TMEM179: variants seen among roughly 807,000 people sequenced by gnomAD.
TMEM179 encodes transmembrane protein 179, also known as transmembrane protein 179A.
Under a neutral mutation model 22.2 loss-of-function variants are expected in TMEM179, and 17 were observed. The ratio of observed to expected loss-of-function variants is 0.77; its 90% CI spans 0.52 to 1.15. The LOEUF (loss-of-function observed/expected upper bound fraction) is 1.15. Ranked by LOEUF, TMEM179 falls within the 50% of genes most tolerant of loss-of-function variation. The pLI is 0.00. For synonymous variants in TMEM179, 127 were observed against 140.5 expected, an observed-to-expected ratio of 0.90 and a Z score of 0.68; for missense variants, 265 against 313.6, an observed-to-expected ratio of 0.84 and a Z score of 1.17.
chr14:104,602,350 T>G (rs759171186), intron 1 of TMEM179, among the ~76,000 whole-genome samples: 2 of 152,180 alleles, frequency 1.3e-5, no homozygotes, highest in Non-Finnish European at 2.9e-5. Context: ...AGCCACCCTC[T>G]GTCAGCCCCA....
intron 3 of TMEM179, chr14:104,594,875 T>C: frequency 1.5e-6 from 2 of 1,298,830 alleles, no homozygotes; most frequent in Non-Finnish European, 9.8e-7. Flanking sequence ...TGGCACCACC[T>C]CCCCCCACAC....
At chr14:104,596,904 G>A in intron 2 of TMEM179, 86 bp downstream of exon 2, 2 of 1,524,338 alleles carry the variant, frequency 1.3e-6, no homozygotes, top group Non-Finnish European at 1.8e-6. Context: ...TGGGCTTCGT[G>A]AGGGAAGATC....
Position 104,604,712 on chromosome 14 carries a change from C to G in TMEM179, c.30G>C (p.Gln10His). Reference sequence around the variant, plus strand: ...GGAAGGCCAAGAAGTAGCAGGCGCACTGAGCGAAAAGGAAATTGTTGAGCG... The same window carrying G: ...GGAAGGCCAAGAAGTAGCAGGCGCAGTGAGCGAAAAGGAAATTGTTGAGCG... MALNNFLFA[Q>H]CACYFLAFLF... Residue 10 changes from glutamine (Q) to histidine (H), a missense_variant, in exon 1 of 4, where the codon CAG becomes CAC. Physicochemically the swap from Gln to His is conservative, Grantham distance 24. Coordinates refer to ENST00000556573, the MANE Select transcript of TMEM179 (RefSeq NM_001286389.2). This position sits in a 1 kb window ranked among gnomAD's most constrained non-coding sequence, Gnocchi z 4.6. 1 of 1,588,506 alleles carries G rather than the reference C, an allele frequency of 6.3e-7. No individual in the cohort carries two copies. Among genetic ancestry groups the G allele is most frequent in the Non-Finnish European group, 8.6e-7 (1 of 1,169,394 alleles).
rs1887061287 is a variant in TMEM179 at position 104,597,235 on chromosome 14, C to T, written c.306-108G>A. 7.0e-7 allele frequency: 1 copy of T among 1,432,176 alleles called. No individual in the cohort carries two copies. 88.7% of individuals were successfully genotyped at this position (1,432,176 alleles called of 1,614,324 possible). On this transcript the variant is annotated intron_variant, in intron 1 of 3. Coordinates refer to ENST00000556573, the MANE Select transcript of TMEM179 (RefSeq NM_001286389.2). This position sits in a 1 kb window ranked among gnomAD's most constrained non-coding sequence, Gnocchi z 4.8. ...GAGGGGCAGGCTCACTGGACGCCATCTCCTGGGCAACCCCCACCAGCAGCA... is the reference window on the plus strand; with the variant it reads ...GAGGGGCAGGCTCACTGGACGCCATTTCCTGGGCAACCCCCACCAGCAGCA...
intron 1 of TMEM179, among the ~76,000 whole-genome samples, chr14:104,601,593 T>C (rs1596300728): frequency 6.6e-6 from 1 of 152,274 alleles, no homozygotes; most frequent in African/African-American, 2.4e-5. Context: ...CAATGGACTG[T>C]GCAGTGCATG....
In TMEM179 at chr14:104,595,222, G is replaced by A. The variant is rs746911730; in HGVS notation, c.465C>T (p.Ile155=). Residue 155 remains isoleucine (I), a synonymous_variant, in exon 3 of 4, where the codon ATC becomes ATT. Coordinates refer to ENST00000556573, the MANE Select transcript of TMEM179 (RefSeq NM_001286389.2). This position sits in a 1 kb window ranked among gnomAD's most constrained non-coding sequence, Gnocchi z 5.7. ...VPHSCEELQD[I]DLELGVDNSA... Reference sequence around the variant, plus strand: ...AGTTGTCCACGCCCAGCTCCAAGTCGATGTCCTGGAGCTCTTCACAGCTAA... The same window carrying A: ...AGTTGTCCACGCCCAGCTCCAAGTCAATGTCCTGGAGCTCTTCACAGCTAA... The A allele has an allele frequency of 8.1e-6, 13 of 1,613,338 alleles. No individual in the cohort carries two copies. The highest frequency in any genetic ancestry group is 5.3e-5 in the African/African-American group (4 of 74,928).
chr14:104,601,157 T>A (rs1887224681), intron 1 of TMEM179, among the ~76,000 whole-genome samples: 1 of 152,198 alleles, frequency 6.6e-6, no homozygotes, highest in Non-Finnish European at 1.5e-5. Context: ...ACAATTGAGT[T>A]GGAATTGGCT....
chr14:104,601,630 C>T (rs1887243924), intron 1 of TMEM179, among the ~76,000 whole-genome samples: 1 of 152,228 alleles, frequency 6.6e-6, no homozygotes, highest in Non-Finnish European at 1.5e-5. Flanking sequence ...GCCACATGAC[C>T]ACGTGAACTG....
intron 1 of TMEM179, among the ~76,000 whole-genome samples, chr14:104,598,621 C>T (rs887163627): frequency 1.3e-5 from 2 of 152,216 alleles, no homozygotes; most frequent in African/African-American, 2.4e-5. Context: ...GTCCTGGCCC[C>T]GGGAGGTGCC....
At chr14:104,600,589 T>C (rs1400541231) in intron 1 of TMEM179, among the ~76,000 whole-genome samples, 2 of 124,234 alleles carry the variant, frequency 1.6e-5, no homozygotes, top group Non-Finnish European at 3.5e-5. Flanking sequence ...CATCCATTCA[T>C]TCATTCATTC....
At chr14:104,596,262 G>T (rs1411607309) in intron 2 of TMEM179, among the ~76,000 whole-genome samples, 1 of 152,240 alleles carries the variant, frequency 6.6e-6, no homozygotes, top group Non-Finnish European at 1.5e-5. Context: ...GAGGGTTCCT[G>T]TCTTCCAGGG....
At chr14:104,603,640 C>T (rs1210917304) in intron 1 of TMEM179, among the ~76,000 whole-genome samples, 1 of 143,296 alleles carries the variant, frequency 7.0e-6, no homozygotes, top group African/African-American at 2.9e-5. Context: ...ACAGAGGGCA[C>T]CCACAGAGGG....
At position 104,595,852 on chromosome 14, in the gene TMEM179, C is replaced by T. The variant is rs1196097342; in HGVS notation, c.444-609G>A. Among the ~76,000 whole-genome samples the T allele has an allele frequency of 6.6e-6, 1 of 152,238 alleles. No homozygotes were observed. Among genetic ancestry groups the T allele is most frequent in the East Asian group, 1.9e-4 (1 of 5,196 alleles). ...GGTGTCCTGCACCCCCAACATAAAA[C>T]GTGAAGCCAGGACACATTGACAGGA... is the stretch of plus-strand genomic sequence containing the variant. On this transcript the variant is annotated intron_variant, in intron 2 of 3. Coordinates refer to ENST00000556573, the MANE Select transcript of TMEM179 (RefSeq NM_001286389.2). This position sits in a 1 kb window ranked among gnomAD's most constrained non-coding sequence, Gnocchi z 5.7.
Position 104,604,358 on chromosome 14 carries a change from G to C in TMEM179, c.305+79C>G, listed in dbSNP as rs1235868824. On this transcript the variant is annotated intron_variant, in intron 1 of 3. Coordinates refer to ENST00000556573, the MANE Select transcript of TMEM179 (RefSeq NM_001286389.2). The surrounding 1 kb of genome is among the most constrained non-coding windows in gnomAD (Gnocchi z 4.6). ...AGCTGCCTGAGAGACGGAGGGACTC[G>C]CGCGCCTCCCCGGGGAGGTGGGTCT... 4 of 1,387,628 alleles carry C rather than the reference G, an allele frequency of 2.9e-6. No homozygotes were observed. The highest frequency in any genetic ancestry group is 3.7e-6 in the Non-Finnish European group (4 of 1,069,564). 86.0% of individuals were successfully genotyped at this position (1,387,628 alleles called of 1,614,324 possible). A position where few individuals can be genotyped will look rare whatever the true frequency, so the allele number is the denominator to read the frequency against.
At chr14:104,594,093 G>A in intron 3 of TMEM179, 2 of 1,233,600 alleles carry the variant, frequency 1.6e-6, no homozygotes, top group Non-Finnish European at 2.0e-6. Flanking sequence ...CCAAACAGTT[G>A]AAGGAGAAAC....
chr14:104,597,206 A>G lies in TMEM179; in HGVS notation c.306-79T>C. On this transcript the variant is annotated intron_variant, in intron 1 of 3. Transcript: ENST00000556573. The surrounding 1 kb of genome is among the most constrained non-coding windows in gnomAD (Gnocchi z 4.8). ...CCCCGCCCCCAGGCTGCAGCCAGAAACAGGAGGGGCAGGCTCACTGGACGC... is the reference window on the plus strand; with the variant it reads ...CCCCGCCCCCAGGCTGCAGCCAGAAGCAGGAGGGGCAGGCTCACTGGACGC... The G allele has an allele frequency of 2.0e-6, 3 of 1,502,888 alleles. No individual in the cohort carries two copies. Among genetic ancestry groups the G allele is most frequent in the Non-Finnish European group, 2.7e-6 (3 of 1,127,468 alleles). The allele number at this position is 1,502,888 out of a possible 1,614,324, so 93.1% of individuals were successfully genotyped here.
Position 104,593,204 on chromosome 14 carries a change from C to T in TMEM179, c.*275G>A. The stretch of plus-strand genomic sequence containing the variant: ...GGTCCTACTGGGACAGCCAAGGGGC[C>T]CTGTGCGAGGCCTGGAGGTGCCCCC... On this transcript the variant is annotated 3_prime_UTR_variant, in exon 4 of 4. Transcript: ENST00000556573. The T allele has an allele frequency of 3.8e-6, 2 of 531,672 alleles. No homozygotes were observed. The highest frequency in any genetic ancestry group is 4.7e-5 in the South Asian group (2 of 42,184). 32.9% of individuals were successfully genotyped at this position (531,672 alleles called of 1,614,324 possible).
rs750200104 is a variant in TMEM179, at chr14:104,593,403, G to C, written c.*76C>G. ...GCCAGGGCCCAGGCAGAGCCCCCCA[G>C]CTGCTTCCCCAGGCAGGCCCGTGCC... On this transcript the variant is annotated 3_prime_UTR_variant, in exon 4 of 4. Coordinates refer to ENST00000556573, the MANE Select transcript of TMEM179 (RefSeq NM_001286389.2). 7.9e-5 allele frequency: 120 copies of C among 1,513,054 alleles called. No individual in the cohort carries two copies. Among genetic ancestry groups the C allele is most frequent in the Admixed American group, 4.4e-4 (22 of 50,456 alleles). 93.7% of individuals were successfully genotyped at this position (1,513,054 alleles called of 1,614,324 possible). A position where few individuals can be genotyped will look rare whatever the true frequency, so the allele number is the denominator to read the frequency against.
At position 104,604,412 on chromosome 14, in the gene TMEM179, C is replaced by G; in HGVS notation, c.305+25G>C. 2 of 1,493,754 alleles carry G rather than the reference C, an allele frequency of 1.3e-6. No individual in the cohort carries two copies. Among genetic ancestry groups the G allele is most frequent in the Non-Finnish European group, 1.8e-6 (2 of 1,129,600 alleles). The allele number at this position is 1,493,754 out of a possible 1,614,324, so 92.5% of individuals were successfully genotyped here. ...GGCGCTGGGGGCATGGAAGGGGCGC[C>G]GCGCCGGGAGCGGCCCCCACTTACC... On this transcript the variant is annotated intron_variant, in intron 1 of 3. Transcript: ENST00000556573. The surrounding 1 kb of genome is among the most constrained non-coding windows in gnomAD (Gnocchi z 4.6).
Sources: gnomAD v4.1 joint callset for allele counts (sites outside exome capture counted in the v4.1 genomes callset) on GRCh38, gnomAD v4.1.1 for gene constraint, Gnocchi (gnomAD v3.1) non-coding constraint, MANE v1.5 for transcripts, NCBI Gene and HGNC (gene_info 2026-07-23, HGNC 2026-07-21) for gene names.